The following CDH6 variants were observed in gnomAD, a reference collection of about 807,000 sequenced individuals.
The protein encoded by CDH6 is cadherin-6.
A neutral mutation model predicts 78.0 loss-of-function variants in CDH6; 31 were observed. The observed-to-expected ratio is 0.40, with a 90% CI of 0.30 to 0.54. The LOEUF is 0.54. Among genes scored for constraint, CDH6 ranks in the 20% least tolerant of loss-of-function variants. CDH6 has a pLI of 0.56. For missense variants in CDH6, 724 were observed against 975.9 expected (o/e 0.74, Z 3.44); for synonymous variants, 376 against 368.8 (o/e 1.02, Z -0.23).
intron 4 of CDH6, among the ~76,000 whole-genome samples, chr5:31,298,707 C>G (rs1737674141): frequency 6.6e-6 from 1 of 152,140 alleles, no homozygotes; most frequent in Non-Finnish European, 1.5e-5. Context: ...ATTGGGCAAA[C>G]TTTTAGAAGT....
chr5:31,200,102 A>G (rs936638954), intron 1 of CDH6, among the ~76,000 whole-genome samples: 2 of 152,206 alleles, frequency 1.3e-5, no homozygotes, highest in African/African-American at 4.8e-5. Flanking sequence ...GTGAAGGCTC[A>G]GGAAGATGTT....
At chr5:31,270,181 GCTCCA>G (rs1742482592) in intron 2 of CDH6, among the ~76,000 whole-genome samples, 1 of 152,150 alleles carries the variant, frequency 6.6e-6, no homozygotes, top group African/African-American at 2.4e-5. Flanking sequence ...CGATTATCCA[GCTCCA>G]CTAGGTCAGG....
Position 31,199,500 on chromosome 5 carries a change from A to ATG in CDH6, c.-129+5618_-129+5619dup, listed in dbSNP as rs1161898762. Reference sequence around the variant, plus strand: ...TATGTGTATATATGTACACACACATATGTGTATATATATGTACACACACAT... The same window carrying ATG: ...TATGTGTATATATGTACACACACATATGTGTGTATATATATGTACACACACAT... On this transcript the variant is annotated intron_variant, in intron 1 of 11. Transcript: ENST00000265071. Among the ~76,000 whole-genome samples the ATG allele has an allele frequency of 6.7e-3, 645 of 96,904 alleles. 2 individuals are homozygous for ATG. The highest frequency in any genetic ancestry group is 0.018 in the African/African-American group (544 of 29,528). The allele number at this position is 96,904 out of a possible 152,430, so 63.6% of individuals were successfully genotyped here.
chr5:31,318,039 G>A (rs1208155542), intron 11 of CDH6, 115 bp downstream of exon 11: 1 of 1,249,592 alleles, frequency 8.0e-7, no homozygotes, highest in Non-Finnish European at 1.2e-6. Context: ...ATCTAGGTGA[G>A]TCGAGTTACA....
chr5:31,306,676 T>C (rs1317064065), intron 7 of CDH6, among the ~76,000 whole-genome samples: 1 of 152,166 alleles, frequency 6.6e-6, no homozygotes, highest in African/African-American at 2.4e-5. Context: ...AAATAGATTC[T>C]GGTCAAGGTG....
chr5:31,321,541 A>T (rs1738478919), intron 11 of CDH6, among the ~76,000 whole-genome samples: 1 of 152,148 alleles, frequency 6.6e-6, no homozygotes, highest in South Asian at 2.1e-4. Flanking sequence ...ATTAAATGAG[A>T]TTCAGTATGT....
Position 31,294,574 on chromosome 5 carries a change from C to T in CDH6, c.523+318C>T, listed in dbSNP as rs1338558910. Among the ~76,000 whole-genome samples the T allele has an allele frequency of 1.3e-5, 2 of 151,790 alleles. No individual in the cohort carries two copies. Among genetic ancestry groups the T allele is most frequent in the South Asian group, 2.1e-4 (1 of 4,812 alleles). ...TTCTTGGGCTGAAAGCAACCTTCTC[C>T]ACTTCTCTTAGCCTATGTGGGTGTT... On this transcript the variant is annotated intron_variant, in intron 3 of 11. Coordinates refer to ENST00000265071, the MANE Select transcript of CDH6 (RefSeq NM_004932.4). This position sits in a 1 kb window ranked among gnomAD's most constrained non-coding sequence, Gnocchi z 4.1.
intron 11 of CDH6, among the ~76,000 whole-genome samples, chr5:31,319,702 G>C (rs1283183633): frequency 6.6e-6 from 1 of 152,206 alleles, no homozygotes; most frequent in African/African-American, 2.4e-5. Context: ...GAAGAAAGTG[G>C]AGGAAAATGA....
intron 2 of CDH6, among the ~76,000 whole-genome samples, chr5:31,273,061 C>T (rs1272850376): frequency 9.9e-5 from 15 of 152,014 alleles, no homozygotes; most frequent in Admixed American, 7.9e-4. Context: ...AACGTTTTAA[C>T]GGACCATAAA....
chr5:31,294,213 C>A lies in CDH6; in HGVS notation c.480C>A (p.Thr160=), dbSNP rs1488491148. 1.9e-6 allele frequency: 3 copies of A among 1,613,838 alleles called. No individual in the cohort carries two copies. Among genetic ancestry groups the A allele is most frequent in the Non-Finnish European group, 2.5e-6 (3 of 1,179,870 alleles). ...TCAATGACAATGAACCAATATTCAC[C>A]AAGGAGGTTTACACAGCCACTGTCC... ...HDINDNEPIF[T]KEVYTATVPE... The change falls in exon 3 of 12, where the codon ACC becomes ACA. Residue 160 remains threonine, a synonymous_variant. Coordinates refer to ENST00000265071, the MANE Select transcript of CDH6 (RefSeq NM_004932.4). This position sits in a 1 kb window ranked among gnomAD's most constrained non-coding sequence, Gnocchi z 4.1.
At chr5:31,282,760 G>A (rs1327531847) in intron 2 of CDH6, among the ~76,000 whole-genome samples, 1 of 152,112 alleles carries the variant, frequency 6.6e-6, no homozygotes, top group African/African-American at 2.4e-5. Context: ...TAATTGTCAA[G>A]GGAATTAGTA....
chr5:31,313,802 T>C (rs76293878), intron 8 of CDH6, among the ~76,000 whole-genome samples: 71 of 147,382 alleles, frequency 4.8e-4, no homozygotes, highest in Admixed American at 1.1e-3. Context: ...ACACTGTGTG[T>C]GGGGGCAAAA....
intron 2 of CDH6, among the ~76,000 whole-genome samples, chr5:31,276,791 T>C (rs1176701987): frequency 6.6e-6 from 1 of 152,180 alleles, no homozygotes; most frequent in Non-Finnish European, 1.5e-5. Flanking sequence ...CTGTGCCCCC[T>C]CGATTCCTCA....
chr5:31,239,468 T>C (rs1006517077), intron 1 of CDH6, among the ~76,000 whole-genome samples: 1 of 152,238 alleles, frequency 6.6e-6, no homozygotes, highest in Non-Finnish European at 1.5e-5. Context: ...TCTCCGCTTA[T>C]GTTTAAAGGT....
rs940722314 is a variant in CDH6 at position 31,206,772 on chromosome 5, A to G, written c.-129+12886A>G. 1.9e-4 allele frequency among the ~76,000 whole-genome samples: 29 copies of G among 152,326 alleles called. No homozygotes were observed. In the South Asian group the frequency reaches 5.8e-3, roughly 30 times the overall value. On this transcript the variant is annotated intron_variant, in intron 1 of 11. Transcript: ENST00000265071. ...TTATGTTTTCTATTCGCCCATACTT[A>G]CATCTTACATTAATACAGAAATTAG...
chr5:31,272,669 AAC>A (rs1668665624), intron 2 of CDH6, among the ~76,000 whole-genome samples: 2 of 152,240 alleles, frequency 1.3e-5, no homozygotes. Flanking sequence ...CAGCTACAGC[AAC>A]ACTTAATTCC....
At position 31,323,034 on chromosome 5, in the gene CDH6, C is replaced by G. The variant is rs753670231; in HGVS notation, c.2099C>G (p.Pro700Arg). 2 of 1,613,990 alleles carry G rather than the reference C, an allele frequency of 1.2e-6. No individual in the cohort carries two copies. Among genetic ancestry groups the G allele is most frequent in the Admixed American group, 1.7e-5 (1 of 59,996 alleles). ...RDIVPEALFL[P>R]RRTPTARDNT... ...ATTGTGCCCGAAGCCCTTTTCCTAC[C>G]CCGACGGACTCCAACAGCTCGCGAC... Residue 700 changes from proline (P) to arginine (R), a missense_variant, in exon 12 of 12, where the codon CCC (proline) becomes CGC (arginine). Pro to Arg is a moderately radical substitution (Grantham distance 103). Transcript: ENST00000265071.
chr5:31,217,507 T>C (rs965035177), intron 1 of CDH6, among the ~76,000 whole-genome samples: 1 of 152,128 alleles, frequency 6.6e-6, no homozygotes, highest in Admixed American at 6.6e-5. Flanking sequence ...TCAAAATAAA[T>C]AGCTGGATAC....
chr5:31,281,082 A>T (rs1180597085), intron 2 of CDH6, among the ~76,000 whole-genome samples: 1 of 152,196 alleles, frequency 6.6e-6, no homozygotes. Flanking sequence ...TCTTATAGAG[A>T]TACATAGCTT....
Sources: gnomAD v4.1 joint callset for allele counts (sites outside exome capture counted in the v4.1 genomes callset) on GRCh38, gnomAD v4.1.1 for gene constraint, Gnocchi (gnomAD v3.1) non-coding constraint, MANE v1.5 for transcripts, NCBI Gene and HGNC (gene_info 2026-07-23, HGNC 2026-07-21) for gene names.